FHIT: variants seen among roughly 807,000 people sequenced by gnomAD.
FHIT encodes bis(5'-adenosyl)-triphosphatase.
Under a neutral mutation model 17.9 loss-of-function variants are expected in FHIT, and 19 were observed. The observed-to-expected ratio is 1.06, with a 90% CI of 0.74 to 1.56. The LOEUF is 1.56. FHIT is among the 40% of genes most tolerant of loss of function. The pLI is 0.00. For synonymous variants in FHIT, 81 were observed against 69.7 expected, an observed-to-expected ratio of 1.16 and a Z score of -0.81; for missense variants, 248 against 189.2, an observed-to-expected ratio of 1.31 and a Z score of -1.82.
At chr3:60,137,944 G>A (rs1699883011) in intron 5 of FHIT, among the ~76,000 whole-genome samples, 1 of 152,198 alleles carries the variant, frequency 6.6e-6, no homozygotes, top group Non-Finnish European at 1.5e-5. Flanking sequence ...GACCTCATTA[G>A]TCATTATCTT....
intron 4 of FHIT, among the ~76,000 whole-genome samples, chr3:60,572,558 ACACT>A (rs1299549493): frequency 6.6e-6 from 1 of 152,156 alleles, no homozygotes; most frequent in Non-Finnish European, 1.5e-5. Flanking sequence ...AGACACACAC[ACACT>A]CTATCTACAG....
chr3:60,386,031 GGTA>G (rs1389917439), intron 5 of FHIT, among the ~76,000 whole-genome samples: 1 of 152,224 alleles, frequency 6.6e-6, no homozygotes, highest in African/African-American at 2.4e-5. Flanking sequence ...CCATACCCAG[GGTA>G]ACTGATCCAT....
intron 3 of FHIT, among the ~76,000 whole-genome samples, chr3:61,036,776 G>T (rs2033261100): frequency 1.3e-5 from 2 of 152,048 alleles, no homozygotes; most frequent in Admixed American, 1.3e-4. Flanking sequence ...AATCACACTG[G>T]TCATGGAGGT....
intron 2 of FHIT, among the ~76,000 whole-genome samples, chr3:61,118,034 T>C (rs1440267066): frequency 6.6e-6 from 1 of 152,194 alleles, no homozygotes; most frequent in Non-Finnish European, 1.5e-5. Flanking sequence ...TTCTCATTAA[T>C]AAGGAGAAAC....
intron 4 of FHIT, among the ~76,000 whole-genome samples, chr3:60,703,554 G>C (rs571076290): frequency 5.9e-5 from 9 of 152,206 alleles, no homozygotes; most frequent in African/African-American, 2.2e-4. Context: ...ATAGATACAA[G>C]TTGCTATTTT....
chr3:60,287,687 T>C (rs1477741425), intron 5 of FHIT, among the ~76,000 whole-genome samples: 1 of 152,086 alleles, frequency 6.6e-6, no homozygotes, highest in Non-Finnish European at 1.5e-5. Context: ...AAGTATTATG[T>C]GCATATAGCA....
chr3:60,943,355 T>A (rs1708500729), intron 3 of FHIT, among the ~76,000 whole-genome samples: 1 of 152,162 alleles, frequency 6.6e-6, no homozygotes, highest in African/African-American at 2.4e-5. Context: ...CATTAAATAA[T>A]AACTCTTTAT....
Position 60,373,929 on chromosome 3 carries a change from G to C in FHIT, c.103+162931C>G, listed in dbSNP as rs1184781899. On this transcript the variant is annotated intron_variant, in intron 5 of 9. Coordinates refer to ENST00000492590, the MANE Select transcript of FHIT (RefSeq NM_002012.4). Reference sequence around the variant, plus strand: ...CTTGGTTCTGGTGGTTCAGGAAGTAGAGAAAAGTCAATTAAAACAAGCTAC... The same window carrying C: ...CTTGGTTCTGGTGGTTCAGGAAGTACAGAAAAGTCAATTAAAACAAGCTAC... Among the ~76,000 whole-genome samples the C allele has an allele frequency of 2.6e-5, 4 of 152,322 alleles. No individual in the cohort carries two copies. The East Asian group carries it at 7.7e-4, about 29-fold the overall frequency.
At chr3:60,369,595 G>T (rs1043739782) in intron 5 of FHIT, among the ~76,000 whole-genome samples, 1 of 152,070 alleles carries the variant, frequency 6.6e-6, no homozygotes, top group Non-Finnish European at 1.5e-5. Context: ...TTTCACGCTT[G>T]CTTTTATACT....
intron 5 of FHIT, among the ~76,000 whole-genome samples, chr3:60,329,655 C>G (rs1345812791): frequency 6.6e-6 from 1 of 152,196 alleles, no homozygotes; most frequent in South Asian, 2.1e-4. Flanking sequence ...TCTACCTATT[C>G]CATCTGCATT....
intron 4 of FHIT, among the ~76,000 whole-genome samples, chr3:60,543,429 G>C (rs1178782532): frequency 6.6e-6 from 1 of 152,100 alleles, no homozygotes; most frequent in African/African-American, 2.4e-5. Flanking sequence ...ATGGGTGAGG[G>C]GAATGTGACA....
intron 5 of FHIT, among the ~76,000 whole-genome samples, chr3:60,195,865 G>A (rs929722762): frequency 5.3e-5 from 7 of 131,088 alleles, no homozygotes; most frequent in African/African-American, 2.0e-4. Flanking sequence ...ATGGACACTG[G>A]AGACTCAGAA....
rs536966153 is a variant in FHIT at position 60,224,844 on chromosome 3, T to C, written c.104-210692A>G. 6.6e-5 allele frequency among the ~76,000 whole-genome samples: 10 copies of C among 151,944 alleles called. No individual in the cohort carries two copies. The East Asian group carries it at 1.9e-3, about 29-fold the overall frequency. On this transcript the variant is annotated intron_variant, in intron 5 of 9. Coordinates refer to ENST00000492590, the MANE Select transcript of FHIT (RefSeq NM_002012.4). ...CAAGCAATTCTCTTGCCTCAGCCTC[T>C]TGAATAGCTGGGATTACAGGCATGC... is the stretch of plus-strand genomic sequence containing the variant.
chr3:60,519,371 G>C (rs1019998172), intron 5 of FHIT, among the ~76,000 whole-genome samples: 20 of 152,114 alleles, frequency 1.3e-4, no homozygotes, highest in African/African-American at 4.6e-4. Context: ...ACACCAAATA[G>C]TTTGAATATA....
At chr3:60,626,345 C>G (rs995836457) in intron 4 of FHIT, among the ~76,000 whole-genome samples, 2 of 152,076 alleles carry the variant, frequency 1.3e-5, no homozygotes, top group South Asian at 4.1e-4. Context: ...TCTTCCAATC[C>G]CCAAACATAA....
chr3:60,168,827 T>A (rs1034925582), intron 5 of FHIT, among the ~76,000 whole-genome samples: 23 of 152,182 alleles, frequency 1.5e-4, no homozygotes, highest in African/African-American at 5.3e-4. Context: ...GCCACAGCAG[T>A]CAAGCATCTG....
intron 5 of FHIT, among the ~76,000 whole-genome samples, chr3:60,411,888 GA>G (rs1451963692): frequency 6.6e-6 from 1 of 152,020 alleles, no homozygotes; most frequent in Non-Finnish European, 1.5e-5. Flanking sequence ...TTTCTCTCTA[GA>G]AAAACTGCTG....
intron 5 of FHIT, among the ~76,000 whole-genome samples, chr3:60,233,328 T>A (rs1273065047): frequency 6.6e-6 from 1 of 152,128 alleles, no homozygotes. Flanking sequence ...CAAACAGCTG[T>A]AACAGCCATC....
At chr3:60,124,061 G>A (rs1345222582) in intron 5 of FHIT, among the ~76,000 whole-genome samples, 4 of 118,590 alleles carry the variant, frequency 3.4e-5, no homozygotes, top group African/African-American at 1.2e-4. Flanking sequence ...GAGAGACAGA[G>A]AGAGAGAGAG....
Sources: gnomAD v4.1 joint callset for allele counts (sites outside exome capture counted in the v4.1 genomes callset) on GRCh38, gnomAD v4.1.1 for gene constraint, MANE v1.5 for transcripts, NCBI Gene and HGNC (gene_info 2026-07-23, HGNC 2026-07-21) for gene names.